The following DOCK3 variants were observed in gnomAD, a reference collection of about 807,000 sequenced individuals.
The protein encoded by DOCK3 is dedicator of cytokinesis 3.
A neutral mutation model predicts 265.6 loss-of-function variants in DOCK3; 60 were observed. The observed-to-expected ratio is 0.23, with a 90% CI of 0.18 to 0.28. DOCK3 has a LOEUF of 0.28. DOCK3 is among the 10% of genes least tolerant of loss of function. The pLI is 1.00. For missense variants in DOCK3, 1,981 were observed against 2,594.3 expected, an observed-to-expected ratio of 0.76 and a Z score of 5.14; for synonymous variants, 881 against 938.0, an observed-to-expected ratio of 0.94 and a Z score of 1.11.
At chr3:51,016,585 CATATATT>C (rs2079273200) in intron 5 of DOCK3, among the ~76,000 whole-genome samples, 1 of 74,414 alleles carries the variant, frequency 1.3e-5, no homozygotes, top group Non-Finnish European at 2.2e-5. Flanking sequence ...TTATATATAT[CATATATT>C]ATATATGATA....
chr3:50,773,111 A>G (rs1257530603), intron 1 of DOCK3, among the ~76,000 whole-genome samples: 2 of 152,178 alleles, frequency 1.3e-5, no homozygotes, highest in African/African-American at 4.8e-5. Context: ...ATGGAACAGA[A>G]TAGAGAACCT....
At chr3:50,821,140 C>CTTT (rs771111717) in intron 2 of DOCK3, among the ~76,000 whole-genome samples, 7 of 119,466 alleles carry the variant, frequency 5.9e-5, no homozygotes, top group Admixed American at 1.7e-4. Flanking sequence ...TTTCTTTTTT[C>CTTT]TTTTTTTTTT....
At chr3:50,915,075 C>A (rs866475376) in intron 4 of DOCK3, among the ~76,000 whole-genome samples, 1 of 152,016 alleles carries the variant, frequency 6.6e-6, no homozygotes, top group East Asian at 1.9e-4. Flanking sequence ...TTGAGGCACC[C>A]CTTAGCAATG....
At chr3:50,874,042 G>GTT (rs869155239) in intron 3 of DOCK3, among the ~76,000 whole-genome samples, 122 of 115,138 alleles carry the variant, frequency 1.1e-3, no homozygotes, top group Middle Eastern at 9.4e-3. Context: ...TCATGAAGGT[G>GTT]TTTTTTTTTT....
At chr3:50,886,189 T>G (rs917787785) in intron 3 of DOCK3, among the ~76,000 whole-genome samples, 6 of 139,602 alleles carry the variant, frequency 4.3e-5, no homozygotes, top group Non-Finnish European at 6.3e-5. Context: ...ATTTTGGAGA[T>G]ATATATATAT....
chr3:51,248,989 C>T (rs1197468372), intron 22 of DOCK3, among the ~76,000 whole-genome samples: 9 of 150,274 alleles, frequency 6.0e-5, no homozygotes, highest in African/African-American at 1.5e-4. Context: ...GGAGCCTCTC[C>T]GCCCGGCAGC....
chr3:51,329,987 A>T (rs1181539129), intron 32 of DOCK3, 151 bp from the exon 33 acceptor site: 1 of 720,676 alleles, frequency 1.4e-6, no homozygotes, highest in Non-Finnish European at 2.3e-6. Flanking sequence ...TCTTGGTGCT[A>T]TAGGTAAAAT....
At chr3:50,823,779 C>G (rs1000707493) in intron 2 of DOCK3, among the ~76,000 whole-genome samples, 4 of 152,102 alleles carry the variant, frequency 2.6e-5, no homozygotes, top group Admixed American at 6.5e-5. Context: ...GACGGGGCGG[C>G]TGGCCGGGCC....
intron 5 of DOCK3, among the ~76,000 whole-genome samples, chr3:51,040,024 TGGGACTCACTGTCCAGA>T (rs1490354073): frequency 2.6e-5 from 4 of 152,036 alleles, no homozygotes; most frequent in African/African-American, 9.7e-5. Context: ...TTAAACCATC[TGGGACTCACTGTCCAGA>T]TGGAAATTTG....
chr3:50,976,572 C>T lies in DOCK3; in HGVS notation c.315+42495C>T, dbSNP rs2077458768. Among the ~76,000 whole-genome samples the T allele has an allele frequency of 2.1e-5, 3 of 144,890 alleles. No homozygotes were observed. In the South Asian group the frequency reaches 6.9e-4, roughly 33 times the overall value. ...AGAGCTTTACTTCCAAGTATTTGGTCAATTTTGGAATAGGTGTGGTGTGGT... is the reference window on the plus strand; with the variant it reads ...AGAGCTTTACTTCCAAGTATTTGGTTAATTTTGGAATAGGTGTGGTGTGGT... On this transcript the variant is annotated intron_variant, in intron 5 of 52. Coordinates refer to ENST00000266037, the MANE Select transcript of DOCK3 (RefSeq NM_004947.5).
rs377191036 is a variant in DOCK3 at position 50,682,230 on chromosome 3, G to A, written c.37+6930G>A. ...GTTATGGTTCAAATTTGCATGTTCA[G>A]CCTCATCCACTGACTTGTTAATACT... On this transcript the variant is annotated intron_variant, in intron 1 of 52. Transcript: ENST00000266037. 1.1e-4 allele frequency among the ~76,000 whole-genome samples: 16 copies of A among 152,294 alleles called. 1 individual carries two copies. Among genetic ancestry groups the A allele is most frequent in the Non-Finnish European group, 1.5e-4 (10 of 68,012 alleles).
chr3:50,726,608 TA>T (rs1482924029), intron 1 of DOCK3, among the ~76,000 whole-genome samples: 1 of 152,166 alleles, frequency 6.6e-6, no homozygotes, highest in African/African-American at 2.4e-5. Context: ...GTATTATTAT[TA>T]TTTTTTTTCT....
At chr3:50,720,875 C>G (rs1362804524) in intron 1 of DOCK3, among the ~76,000 whole-genome samples, 1 of 152,106 alleles carries the variant, frequency 6.6e-6, no homozygotes, top group East Asian at 1.9e-4. Context: ...TATTTTTTGA[C>G]TTTTAAATAA....
At chr3:50,960,052 G>A (rs1000401958) in intron 5 of DOCK3, among the ~76,000 whole-genome samples, 9 of 152,204 alleles carry the variant, frequency 5.9e-5, no homozygotes, top group African/African-American at 2.2e-4. Flanking sequence ...GAAATCAGTA[G>A]TTCATGCTCA....
chr3:51,377,421 C>T (rs375044117), intron 51 of DOCK3, among the ~76,000 whole-genome samples: 27 of 152,376 alleles, frequency 1.8e-4, no homozygotes, highest in African/African-American at 6.0e-4. Context: ...ATGAGGACTA[C>T]ATCTCTCACT....
chr3:50,877,150 G>T, intron 3 of DOCK3: 2 of 282,076 alleles, frequency 7.1e-6, no homozygotes, highest in East Asian at 8.8e-5. Context: ...CATTCCCCCT[G>T]GGAAAGCCAC....
At chr3:50,882,638 G>A (rs1433128186) in intron 3 of DOCK3, among the ~76,000 whole-genome samples, 1 of 152,206 alleles carries the variant, frequency 6.6e-6, no homozygotes, top group Non-Finnish European at 1.5e-5. Flanking sequence ...AGAAGTTGTG[G>A]AGAAATAGGA....
intron 5 of DOCK3, among the ~76,000 whole-genome samples, chr3:50,979,569 T>A (rs1363781549): frequency 6.6e-6 from 1 of 152,110 alleles, no homozygotes; most frequent in African/African-American, 2.4e-5. Flanking sequence ...CCTTTCCCAT[T>A]TGCCATGATT....
chr3:50,788,602 T>C (rs2042305334), intron 2 of DOCK3, among the ~76,000 whole-genome samples: 1 of 152,236 alleles, frequency 6.6e-6, no homozygotes, highest in Non-Finnish European at 1.5e-5. Flanking sequence ...GTGGGGGGAC[T>C]GTAGCCAGAG....
Sources: gnomAD v4.1 joint callset for allele counts (sites outside exome capture counted in the v4.1 genomes callset) on GRCh38, gnomAD v4.1.1 for gene constraint, MANE v1.5 for transcripts, NCBI Gene and HGNC (gene_info 2026-07-23, HGNC 2026-07-21) for gene names.